The following DLG3 variants were observed in gnomAD, a reference collection of about 807,000 sequenced individuals.
The protein encoded by DLG3 is disks large homolog 3.
DLG3 carries 1 observed loss-of-function variant against 64.1 expected under a neutral mutation model. The ratio of observed to expected loss-of-function variants is 0.02; its 90% confidence interval spans 0.01 to 0.07. DLG3 has a LOEUF of 0.07. DLG3 is among the 10% of genes least tolerant of loss of function. The pLI is 1.00. For synonymous variants in DLG3, 245 were observed against 259.8 expected (o/e 0.94, Z 0.55); for missense variants, 429 against 669.5 (o/e 0.64, Z 3.96).
intron 5 of DLG3, 61 bp from the exon 6 acceptor site, chrX:70,450,578 G>A (rs2086607200): frequency 5.1e-6 from 6 of 1,182,140 alleles, no homozygotes; most frequent in Non-Finnish European, 6.9e-6. Flanking sequence ...GGCATCCCTC[G>A]AGTTCCCTGG....
At chrX:70,481,008 C>A (rs1390490416) in intron 10 of DLG3, among the ~76,000 whole-genome samples, 2 of 112,016 alleles carry the variant, frequency 1.8e-5, no homozygotes, top group Non-Finnish European at 3.8e-5. Flanking sequence ...CTGCCCGTAA[C>A]CTTCTCTAGA....
intron 12 of DLG3, chrX:70,493,461 G>A: frequency 8.3e-7 from 1 of 1,204,294 alleles, no homozygotes; most frequent in East Asian, 3.0e-5. Flanking sequence ...GCCCAGGAGA[G>A]CAGCATACAG....
At chrX:70,483,018 C>T (rs1215787222) in intron 10 of DLG3, among the ~76,000 whole-genome samples, 1 of 111,118 alleles carries the variant, frequency 9.0e-6, no homozygotes, top group Non-Finnish European at 1.9e-5. Flanking sequence ...TGGCAGCTCA[C>T]ACCAGTAATC....
intron 9 of DLG3, among the ~76,000 whole-genome samples, chrX:70,460,852 C>A (rs1009879925): frequency 8.9e-6 from 1 of 112,043 alleles, no homozygotes; most frequent in Non-Finnish European, 1.9e-5. Context: ...TGACTGGCTT[C>A]TCTCACTTAG....
chrX:70,500,464 T>C lies in DLG3; in HGVS notation c.2146-7T>C, dbSNP rs1392402375. On this transcript the variant is annotated splice_region_variant and splice_polypyrimidine_tract_variant and intron_variant, in intron 16 of 18. Transcript: ENST00000374360. ...TGGCTGGGCTGTTACAATCTCTGCT[T>C]TTTCAGGGCAAGCACTGCATCTTAG... The C allele has an allele frequency of 1.7e-6, 2 of 1,199,139 alleles. No homozygotes were observed. Among genetic ancestry groups the C allele is most frequent in the Non-Finnish European group, 2.3e-6 (2 of 886,627 alleles).
At chrX:70,459,978 C>CA (rs1474294814) in intron 9 of DLG3, among the ~76,000 whole-genome samples, 3 of 111,245 alleles carry the variant, frequency 2.7e-5, no homozygotes, top group Non-Finnish European at 5.7e-5. Context: ...AAGCTGTCAA[C>CA]AAATGCAGTA....
chrX:70,495,285 CTTTTTCTCTAT>C (rs2087433271), intron 12 of DLG3, 112 bp from the exon 13 acceptor site: 4 of 639,350 alleles, frequency 6.3e-6, no homozygotes, highest in Non-Finnish European at 1.0e-5. Flanking sequence ...CCCCCCTTGT[CTTTTTCTCTAT>C]TTTTTCTCTT....
In DLG3 at chrX:70,450,268, A is replaced by T; in HGVS notation, c.803A>T (p.Lys268Met). ...ATCATTGAGGGGGGTGCTGCTCAGA[A>T]GGATGGACGCCTACAGATTGGGGAC... ...TKIIEGGAAQKDGRLQIGDRL... is the reference protein window; with the variant it reads ...TKIIEGGAAQMDGRLQIGDRL... The change falls in exon 5 of 19, where the codon AAG becomes ATG. Residue 268 changes from lysine to methionine, a missense_variant. Transcript: ENST00000374360. 2.5e-6 allele frequency: 3 copies of T among 1,197,235 alleles called. No homozygotes were observed. The highest frequency in any genetic ancestry group is 3.4e-6 in the Non-Finnish European group (3 of 887,889).
At chrX:70,495,859 G>C (rs1166334105) in intron 13 of DLG3, among the ~76,000 whole-genome samples, 1 of 111,250 alleles carries the variant, frequency 9.0e-6, no homozygotes, top group Admixed American at 9.6e-5. Flanking sequence ...TGTAGGAATT[G>C]CAGCTGTTAA....
Position 70,462,825 on chromosome X carries a change from C to T in DLG3, c.1405+8509C>T, listed in dbSNP as rs1401455363. On this transcript the variant is annotated intron_variant, in intron 9 of 18. Transcript: ENST00000374360. ...ACTGTCTGGCTTTTTTTAAAAGTAG[C>T]TACACCCTTTTAGGCCCAGCCCTGT... Among the ~76,000 whole-genome samples, 3 of 111,557 alleles carry T rather than the reference C, an allele frequency of 2.7e-5. No individual in the cohort carries two copies. The East Asian group carries it at 8.4e-4, about 31-fold the overall frequency.
intron 9 of DLG3, among the ~76,000 whole-genome samples, chrX:70,456,726 C>G (rs1004565017): frequency 9.1e-6 from 1 of 109,533 alleles, no homozygotes; most frequent in African/African-American, 3.3e-5. Context: ...TTTGGTAAAT[C>G]CAGCAAGTCC....
At chrX:70,453,134 G>A (rs951540607) in intron 7 of DLG3, 2 of 170,545 alleles carry the variant, frequency 1.2e-5, no homozygotes, top group Non-Finnish European at 2.2e-5. Context: ...GCAGGTAGGA[G>A]GGGTCATAGT....
chrX:70,450,594 C>G (rs1481664973), intron 5 of DLG3, 45 bp from the exon 6 acceptor site: 7 of 1,202,951 alleles, frequency 5.8e-6, no homozygotes, highest in East Asian at 3.0e-5. Context: ...CCTGGAGAAG[C>G]CTCTCCTTCT....
rs762775174 is a variant in DLG3, at chrX:70,471,928, C to T, written c.1406-7222C>T. On this transcript the variant is annotated intron_variant, in intron 9 of 18. Transcript: ENST00000374360. ...CTCTCTGTCCTCCAATTCTGTCTTA[C>T]ACTCCCAGAATAATTTTCCCTCAAA... Among the ~76,000 whole-genome samples the T allele has an allele frequency of 5.4e-5, 6 of 111,726 alleles. No homozygotes were observed. In the South Asian group the frequency reaches 1.9e-3, roughly 35 times the overall value.
intron 8 of DLG3, 107 bp downstream of exon 8, chrX:70,453,900 C>T: frequency 1.2e-6 from 1 of 808,411 alleles, no homozygotes; most frequent in Non-Finnish European, 1.7e-6. Context: ...GAAGGGAGGG[C>T]TAAGGACTGG....
chrX:70,453,970 C>A (rs1474240903), intron 8 of DLG3, among the ~76,000 whole-genome samples, 177 bp downstream of exon 8: 1 of 112,142 alleles, frequency 8.9e-6, no homozygotes, highest in African/African-American at 3.2e-5. Flanking sequence ...CTAGACTTAT[C>A]TTTGAAGAGG....
At chrX:70,472,804 G>A (rs1388858485) in intron 9 of DLG3, among the ~76,000 whole-genome samples, 4 of 111,745 alleles carry the variant, frequency 3.6e-5, no homozygotes, top group Admixed American at 9.5e-5. Flanking sequence ...ATGTCCTTCC[G>A]TTCCTTAAAA....
At position 70,477,964 on chromosome X, in the gene DLG3, G is replaced by A. The variant is rs932175488; in HGVS notation, c.1406-1186G>A. ...TACGGACTAGGTGGGGATGCTTCTT[G>A]CCAGCCCTCTATGGTGCACGAAATT... On this transcript the variant is annotated intron_variant, in intron 9 of 18. Transcript: ENST00000374360. 3.6e-5 allele frequency among the ~76,000 whole-genome samples: 4 copies of A among 111,587 alleles called. No homozygotes were observed. The Admixed American group carries it at 3.8e-4, about 11-fold the overall frequency.
At chrX:70,495,364 T>C in intron 12 of DLG3, 44 bp from the exon 13 acceptor site, 8 of 1,172,739 alleles carry the variant, frequency 6.8e-6, no homozygotes, top group Non-Finnish European at 9.3e-6. Flanking sequence ...TCCCCCCTCT[T>C]CTCCCCGTCG....
Sources: allele counts gnomAD v4.1 joint callset (sites outside exome capture counted in the v4.1 genomes callset), GRCh38; gene constraint gnomAD v4.1.1; transcripts MANE v1.5; gene names NCBI Gene and HGNC (gene_info 2026-07-23, HGNC 2026-07-21).